The following LRRTM4 variants were observed in gnomAD, a reference collection of about 807,000 sequenced individuals.
LRRTM4 encodes leucine rich repeat transmembrane neuronal 4, also known as leucine-rich repeat transmembrane neuronal protein 4.
Under a neutral mutation model 47.6 loss-of-function variants are expected in LRRTM4, and 25 were observed. The ratio of observed to expected loss-of-function variants is 0.53; its 90% CI spans 0.38 to 0.73. The LOEUF (loss-of-function observed/expected upper bound fraction) is 0.73, where lower values mean the gene tolerates loss of function less well. Ranked by LOEUF, LRRTM4 falls within the 30% of genes least tolerant of loss-of-function variation. The probability of loss-of-function intolerance (pLI) is 0.00; values close to 1 mark genes in which losing one functional copy is unlikely to be tolerated. For synonymous variants in LRRTM4, 311 were observed against 269.5 expected (o/e 1.15, Z -1.51); for missense variants, 638 against 713.4 (o/e 0.89, Z 1.20).
chr2:77,079,011 C>A (rs1265860034), intron 3 of LRRTM4, among the ~76,000 whole-genome samples: 1 of 152,128 alleles, frequency 6.6e-6, no homozygotes, highest in Non-Finnish European at 1.5e-5. Flanking sequence ...CAAATGCATT[C>A]ATATAAGGAC....
At chr2:77,432,983 T>C (rs909953363) in intron 3 of LRRTM4, among the ~76,000 whole-genome samples, 2 of 152,202 alleles carry the variant, frequency 1.3e-5, no homozygotes, top group Non-Finnish European at 2.9e-5. Context: ...GTTTACATCT[T>C]CTGCCAGTGA....
chr2:77,435,009 A>T (rs1675534099), intron 3 of LRRTM4, among the ~76,000 whole-genome samples: 1 of 151,952 alleles, frequency 6.6e-6, no homozygotes, highest in Non-Finnish European at 1.5e-5. Context: ...TGGGTCATAC[A>T]ATTTTTTGTT....
At chr2:77,484,859 G>T (rs755098002) in intron 3 of LRRTM4, among the ~76,000 whole-genome samples, 1 of 151,938 alleles carries the variant, frequency 6.6e-6, no homozygotes, top group Non-Finnish European at 1.5e-5. Flanking sequence ...TTAATTACTG[G>T]AATCTAAGTT....
At chr2:77,269,716 T>G (rs1001073633) in intron 3 of LRRTM4, among the ~76,000 whole-genome samples, 1 of 152,228 alleles carries the variant, frequency 6.6e-6, no homozygotes, top group Non-Finnish European at 1.5e-5. Context: ...TTAAGTTCTT[T>G]TTCTTTCAGT....
intron 3 of LRRTM4, among the ~76,000 whole-genome samples, chr2:76,795,661 TGA>T (rs1675258002): frequency 6.6e-6 from 1 of 152,110 alleles, no homozygotes; most frequent in African/African-American, 2.4e-5. Context: ...TTGGCTATTA[TGA>T]ATAACATTTC....
chr2:76,765,519 A>C (rs1673422469), intron 3 of LRRTM4, among the ~76,000 whole-genome samples: 1 of 152,194 alleles, frequency 6.6e-6, no homozygotes, highest in Non-Finnish European at 1.5e-5. Flanking sequence ...GAGGTCATAA[A>C]GTTGGAAAAC....
chr2:76,817,862 T>C (rs894756014), intron 3 of LRRTM4, among the ~76,000 whole-genome samples: 1 of 152,010 alleles, frequency 6.6e-6, no homozygotes, highest in Non-Finnish European at 1.5e-5. Context: ...TGTTAGTACC[T>C]TTCCTGTGAA....
Position 76,886,486 on chromosome 2 carries a change from A to G in LRRTM4, c.1552-137570T>C, listed in dbSNP as rs1195192725. Among the ~76,000 whole-genome samples, 3 of 152,118 alleles carry G rather than the reference A, an allele frequency of 2.0e-5. No individual in the cohort carries two copies. In the East Asian group the frequency reaches 5.8e-4, roughly 29 times the overall value. On this transcript the variant is annotated intron_variant, in intron 3 of 3. Coordinates refer to ENST00000409884, the MANE Select transcript of LRRTM4 (RefSeq NM_001134745.3). ...ATTAGAACCTTTATAAAACTGTTCT[A>G]TCCAATGTAATACAACCAATAAATA...
At chr2:76,796,913 G>A (rs187413779) in intron 3 of LRRTM4, among the ~76,000 whole-genome samples, 1,594 of 152,106 alleles carry the variant, frequency 0.01, 43 homozygotes, top group African/African-American at 0.036. Flanking sequence ...GAAGTTTAGA[G>A]AAAAAAGAAT....
At chr2:77,058,839 C>T (rs1027559029) in intron 3 of LRRTM4, among the ~76,000 whole-genome samples, 1 of 152,026 alleles carries the variant, frequency 6.6e-6, no homozygotes, top group Non-Finnish European at 1.5e-5. Context: ...TTATATCAAT[C>T]TAATATAGGT....
chr2:77,155,267 A>G (rs927784380), intron 3 of LRRTM4, among the ~76,000 whole-genome samples: 1 of 151,958 alleles, frequency 6.6e-6, no homozygotes, highest in African/African-American at 2.4e-5. Context: ...ATAAAAATGA[A>G]GGATTTTTTT....
At chr2:76,905,259 GC>G (rs1437847053) in intron 3 of LRRTM4, among the ~76,000 whole-genome samples, 3 of 152,130 alleles carry the variant, frequency 2.0e-5, no homozygotes, top group Admixed American at 6.5e-5. Context: ...TGGACCTCTA[GC>G]AAATTCCAAC....
At chr2:77,483,424 T>C (rs1677792694) in intron 3 of LRRTM4, among the ~76,000 whole-genome samples, 1 of 152,100 alleles carries the variant, frequency 6.6e-6, no homozygotes, top group South Asian at 2.1e-4. Flanking sequence ...CACTGCAACC[T>C]CTGCCTCCCG....
chr2:76,816,357 C>T (rs1670895382), intron 3 of LRRTM4, among the ~76,000 whole-genome samples: 1 of 151,968 alleles, frequency 6.6e-6, no homozygotes. Context: ...GACCCCTGTC[C>T]TAACACAATG....
chr2:77,118,089 T>C (rs938970524), intron 3 of LRRTM4, among the ~76,000 whole-genome samples: 8 of 151,968 alleles, frequency 5.3e-5, no homozygotes, highest in Non-Finnish European at 8.8e-5. Flanking sequence ...TCAGGAAATC[T>C]GCCTCTTCAT....
intron 3 of LRRTM4, among the ~76,000 whole-genome samples, chr2:77,482,152 G>T: frequency 6.6e-6 from 1 of 152,248 alleles, no homozygotes; most frequent in Middle Eastern, 3.4e-3. Flanking sequence ...GATAATAGAT[G>T]AAGGAAGCAT....
chr2:76,951,777 C>T (rs1343714440), intron 3 of LRRTM4, among the ~76,000 whole-genome samples: 1 of 151,814 alleles, frequency 6.6e-6, no homozygotes. Flanking sequence ...GCTCTCCCTC[C>T]CCTTGCTCCC....
At chr2:77,088,658 C>A (rs1291069114) in intron 3 of LRRTM4, among the ~76,000 whole-genome samples, 3 of 152,200 alleles carry the variant, frequency 2.0e-5, no homozygotes, top group Non-Finnish European at 4.4e-5. Flanking sequence ...GTGGTCTCTT[C>A]ACACGGACGC....
intron 3 of LRRTM4, among the ~76,000 whole-genome samples, chr2:77,033,743 G>A (rs958399799): frequency 6.6e-6 from 1 of 151,656 alleles, no homozygotes; most frequent in Admixed American, 6.6e-5. Context: ...TATCAATAGG[G>A]CTGTTTTGTT....
Sources: allele counts gnomAD v4.1 joint callset (sites outside exome capture counted in the v4.1 genomes callset), GRCh38; gene constraint gnomAD v4.1.1; transcripts MANE v1.5; gene names NCBI Gene and HGNC (gene_info 2026-07-23, HGNC 2026-07-21).